The following NKAIN2 variants were observed in gnomAD, a reference collection of about 807,000 sequenced individuals.
NKAIN2 encodes sodium/potassium transporting ATPase interacting 2.
A neutral mutation model predicts 32.6 loss-of-function variants in NKAIN2; 14 were observed. That is an observed-to-expected ratio of 0.43 (90% CI 0.28 to 0.67). NKAIN2 has a LOEUF of 0.67. Ranked by LOEUF, NKAIN2 falls within the 30% of genes least tolerant of loss-of-function variation. NKAIN2 has a pLI of 0.17. For synonymous variants in NKAIN2, 80 were observed against 87.2 expected, an observed-to-expected ratio of 0.92 and a Z score of 0.46; for missense variants, 198 against 258.3, an observed-to-expected ratio of 0.77 and a Z score of 1.60.
At chr6:123,856,069 CT>C (rs1196636735) in intron 1 of NKAIN2, among the ~76,000 whole-genome samples, 2 of 152,098 alleles carry the variant, frequency 1.3e-5, no homozygotes, top group Non-Finnish European at 2.9e-5. Context: ...TGCCTATATC[CT>C]TGATTTCTTT....
chr6:124,813,463 T>C (rs370481957), intron 5 of NKAIN2, among the ~76,000 whole-genome samples: 16 of 152,248 alleles, frequency 1.1e-4, no homozygotes, highest in African/African-American at 3.1e-4. Context: ...TTTTGTTAAA[T>C]TAATAATTTA....
intron 2 of NKAIN2, among the ~76,000 whole-genome samples, chr6:124,283,565 A>G (rs1795403346): frequency 6.6e-6 from 1 of 152,246 alleles, no homozygotes; most frequent in Non-Finnish European, 1.5e-5. Context: ...AATATTAACC[A>G]CATTAGGGCT....
intron 3 of NKAIN2, among the ~76,000 whole-genome samples, chr6:124,570,866 A>T (rs1781100908): frequency 1.3e-5 from 2 of 152,264 alleles, no homozygotes; most frequent in Non-Finnish European, 2.9e-5. Context: ...AGCTTGCATC[A>T]TGCTCCTGGA....
intron 1 of NKAIN2, among the ~76,000 whole-genome samples, chr6:124,210,471 A>G (rs1791116153): frequency 6.6e-6 from 1 of 151,854 alleles, no homozygotes; most frequent in Non-Finnish European, 1.5e-5. Flanking sequence ...GAAGAATGTC[A>G]TCAGCATTTG....
intron 3 of NKAIN2, among the ~76,000 whole-genome samples, chr6:124,405,347 A>G (rs1773804006): frequency 6.6e-6 from 1 of 151,804 alleles, no homozygotes; most frequent in South Asian, 2.1e-4. Flanking sequence ...TCTAAGAAGC[A>G]CAAATAATGA....
chr6:124,346,815 G>C (rs1562503905), intron 2 of NKAIN2, among the ~76,000 whole-genome samples: 2 of 151,834 alleles, frequency 1.3e-5, no homozygotes, highest in African/African-American at 2.4e-5. Context: ...CTTTTAATTG[G>C]AGCATTTAGT....
At chr6:124,291,908 A>G (rs1254208367) in intron 2 of NKAIN2, among the ~76,000 whole-genome samples, 1 of 151,732 alleles carries the variant, frequency 6.6e-6, no homozygotes, top group Non-Finnish European at 1.5e-5. Flanking sequence ...CTGTTTATCT[A>G]TTGTCAGTTT....
intron 3 of NKAIN2, among the ~76,000 whole-genome samples, chr6:124,600,615 T>C (rs984479956): frequency 2.0e-5 from 3 of 152,036 alleles, no homozygotes; most frequent in Non-Finnish European, 2.9e-5. Context: ...GCAAAGAGAA[T>C]CCAAAGGGTT....
intron 2 of NKAIN2, among the ~76,000 whole-genome samples, chr6:124,314,914 A>G (rs1052758372): frequency 6.6e-6 from 1 of 152,174 alleles, no homozygotes; most frequent in Non-Finnish European, 1.5e-5. Flanking sequence ...ATTCTATCTC[A>G]TAAGTGCCTG....
intron 3 of NKAIN2, among the ~76,000 whole-genome samples, chr6:124,404,470 C>G (rs1773759883): frequency 6.6e-6 from 1 of 152,110 alleles, no homozygotes; most frequent in Non-Finnish European, 1.5e-5. Context: ...CTTTCCTTCT[C>G]CAAATCCTAA....
At chr6:124,242,377 T>A (rs2114776475) in intron 1 of NKAIN2, among the ~76,000 whole-genome samples, 1 of 152,124 alleles carries the variant, frequency 6.6e-6, no homozygotes. Flanking sequence ...TGGTGATCAT[T>A]AAAAAATCAG....
intron 1 of NKAIN2, among the ~76,000 whole-genome samples, chr6:123,995,147 G>A (rs1779563372): frequency 6.6e-6 from 1 of 152,162 alleles, no homozygotes; most frequent in South Asian, 2.1e-4. Context: ...AGAGAAACAC[G>A]AGAATTGCAT....
chr6:124,057,062 T>C (rs572730277), intron 1 of NKAIN2, among the ~76,000 whole-genome samples: 9 of 152,238 alleles, frequency 5.9e-5, no homozygotes, highest in African/African-American at 2.2e-4. Flanking sequence ...CCATCCATCA[T>C]GTTCTATGCA....
At chr6:124,109,421 A>G (rs1032928013) in intron 1 of NKAIN2, among the ~76,000 whole-genome samples, 5 of 151,894 alleles carry the variant, frequency 3.3e-5, no homozygotes, top group African/African-American at 1.2e-4. Context: ...AAATGAATTT[A>G]TTTGTTCTAA....
intron 3 of NKAIN2, among the ~76,000 whole-genome samples, chr6:124,441,460 A>C (rs554323264): frequency 6.6e-6 from 1 of 152,152 alleles, no homozygotes; most frequent in Admixed American, 6.6e-5. Flanking sequence ...CGTGACTTAC[A>C]AAGCCAGATT....
intron 1 of NKAIN2, among the ~76,000 whole-genome samples, chr6:124,189,172 C>T (rs1329179791): frequency 1.3e-5 from 2 of 152,016 alleles, no homozygotes; most frequent in Non-Finnish European, 2.9e-5. Flanking sequence ...ATAACCCAAG[C>T]AACAAACCAT....
chr6:123,911,233 G>A (rs1582762625), intron 1 of NKAIN2, among the ~76,000 whole-genome samples: 1 of 152,108 alleles, frequency 6.6e-6, no homozygotes, highest in African/African-American at 2.4e-5. Flanking sequence ...AATACCTGAG[G>A]TTGGATAATT....
At chr6:124,394,547 A>G (rs914867384) in intron 3 of NKAIN2, among the ~76,000 whole-genome samples, 5 of 151,950 alleles carry the variant, frequency 3.3e-5, no homozygotes, top group Admixed American at 6.6e-5. Flanking sequence ...CATAGACAGT[A>G]TAAGAAATTG....
At chr6:124,442,065 T>C (rs1583259396) in intron 3 of NKAIN2, among the ~76,000 whole-genome samples, 2 of 152,160 alleles carry the variant, frequency 1.3e-5, no homozygotes, top group Non-Finnish European at 2.9e-5. Context: ...ATGAAGATTT[T>C]AAATATAGTG....
Sources: gnomAD v4.1 joint callset for allele counts (sites outside exome capture counted in the v4.1 genomes callset) on GRCh38, gnomAD v4.1.1 for gene constraint, MANE v1.5 for transcripts, NCBI Gene and HGNC (gene_info 2026-07-23, HGNC 2026-07-21) for gene names.